UBE2H: variants seen among roughly 807,000 people sequenced by gnomAD.
The protein encoded by UBE2H is ubiquitin-conjugating enzyme E2 H.
A neutral mutation model predicts 29.0 loss-of-function variants in UBE2H; 3 were observed. The observed-to-expected ratio is 0.10, with a 90% CI of 0.05 to 0.27. The LOEUF (loss-of-function observed/expected upper bound fraction) is 0.27. Among genes scored for constraint, UBE2H ranks in the 10% least tolerant of loss-of-function variants. UBE2H has a pLI of 1.00. For synonymous variants in UBE2H, 69 were observed against 82.9 expected (o/e 0.83, Z 0.91); for missense variants, 68 against 228.2 (o/e 0.30, Z 4.52).
chr7:129,934,179 G>A (rs148172049), intron 1 of UBE2H, among the ~76,000 whole-genome samples: 121 of 152,026 alleles, frequency 8.0e-4, no homozygotes, highest in Non-Finnish European at 1.3e-3. Flanking sequence ...AAAATTATCC[G>A]GGCATTATAG....
chr7:129,854,070 T>G (rs867869002), intron 5 of UBE2H, among the ~76,000 whole-genome samples: 2 of 149,542 alleles, frequency 1.3e-5, no homozygotes, highest in African/African-American at 4.9e-5. Context: ...GTTTTTTTTT[T>G]TTTTTTTTTT....
At chr7:129,896,199 T>C (rs557883514) in intron 1 of UBE2H, among the ~76,000 whole-genome samples, 2 of 151,598 alleles carry the variant, frequency 1.3e-5, no homozygotes, top group South Asian at 4.2e-4. Context: ...TAGCTGGACG[T>C]GGTGGCGGGC....
chr7:129,943,545 C>T (rs1807690841), intron 1 of UBE2H, among the ~76,000 whole-genome samples: 1 of 152,072 alleles, frequency 6.6e-6, no homozygotes, highest in Non-Finnish European at 1.5e-5. Flanking sequence ...AATCGCACCA[C>T]TGCACTCTAG....
intron 1 of UBE2H, among the ~76,000 whole-genome samples, chr7:129,890,651 C>T (rs892754832): frequency 6.6e-6 from 1 of 152,072 alleles, no homozygotes; most frequent in Non-Finnish European, 1.5e-5. Flanking sequence ...ATACTACAGG[C>T]GTGAGCCACT....
In UBE2H at chr7:129,952,516, C is replaced by A; in HGVS notation, c.40G>T (p.Asp14Tyr). 6.2e-7 allele frequency: 1 copy of A among 1,613,202 alleles called. No individual in the cohort carries two copies. Among genetic ancestry groups the A allele is most frequent in the Non-Finnish European group, 8.5e-7 (1 of 1,179,474 alleles). ...CACGAAGGATACAGCTTGACCACGTCCGTGTCCATCCGCCTCTTGCCCGGA... is the reference window on the plus strand; with the variant it reads ...CACGAAGGATACAGCTTGACCACGTACGTGTCCATCCGCCTCTTGCCCGGA... ...PSPGKRRMDT[D>Y]VVKLIESKHE... The change falls in exon 1 of 7, where the codon GAC (aspartate) becomes TAC (tyrosine). Residue 14 changes from aspartate (D) to tyrosine (Y), a missense_variant. Coordinates refer to ENST00000355621, the MANE Select transcript of UBE2H (RefSeq NM_003344.4).
rs1305665616 is a variant in UBE2H, at chr7:129,839,256, A to G, written c.378T>C (p.Ala126=). The change falls in exon 6 of 7, where the codon GCT becomes GCC. Residue 126 remains alanine, a synonymous_variant. Transcript: ENST00000355621. ...CTGGTCGGTGGAGGTACATGGCTGC[A>G]GCGTCACCATTGAGAGGATCTATGG... ...PNPIDPLNGD[A]AAMYLHRPEE... 6.2e-7 allele frequency: 1 copy of G among 1,613,942 alleles called. No homozygotes were observed. Among genetic ancestry groups the G allele is most frequent in the East Asian group, 2.2e-5 (1 of 44,878 alleles).
chr7:129,944,826 T>C (rs1807730348), intron 1 of UBE2H, among the ~76,000 whole-genome samples: 1 of 151,824 alleles, frequency 6.6e-6, no homozygotes, highest in Non-Finnish European at 1.5e-5. Context: ...CGTATATCCA[T>C]ACAATGTTCA....
At chr7:129,853,277 G>A (rs1198178774) in intron 5 of UBE2H, among the ~76,000 whole-genome samples, 1 of 152,136 alleles carries the variant, frequency 6.6e-6, no homozygotes, top group Non-Finnish European at 1.5e-5. Flanking sequence ...TGCTTAAAAA[G>A]CTACCTGTGG....
At chr7:129,890,268 TACACAC>T (rs1563035829) in intron 1 of UBE2H, among the ~76,000 whole-genome samples, 1 of 151,690 alleles carries the variant, frequency 6.6e-6, no homozygotes, top group East Asian at 1.9e-4. Flanking sequence ...CACGTATATA[TACACAC>T]GTATATATAT....
At chr7:129,857,205 AATAC>A (rs1330983031) in intron 5 of UBE2H, 158 of 307,020 alleles carry the variant, frequency 5.1e-4, no homozygotes, top group African/African-American at 2.9e-3. Flanking sequence ...ATTATGTGCT[AATAC>A]ATACATATAA....
intron 1 of UBE2H, among the ~76,000 whole-genome samples, chr7:129,947,859 T>A (rs185638233): frequency 2.0e-5 from 3 of 149,532 alleles, no homozygotes; most frequent in Admixed American, 2.0e-4. Context: ...ATATGAGGAT[T>A]TTTTTTTTTT....
chr7:129,831,281 A>T lies in UBE2H; in HGVS notation c.*3656T>A, dbSNP rs1341644407. 6.6e-6 allele frequency: 1 copy of T among 152,240 alleles called. No homozygotes were observed. The highest frequency in any genetic ancestry group is 1.5e-5 in the Non-Finnish European group (1 of 68,038). 9.4% of individuals were successfully genotyped at this position (152,240 alleles called of 1,614,324 possible). A position where few individuals can be genotyped will look rare whatever the true frequency, so the allele number is the denominator to read the frequency against. On this transcript the variant is annotated 3_prime_UTR_variant, in exon 7 of 7. Coordinates refer to ENST00000355621, the MANE Select transcript of UBE2H (RefSeq NM_003344.4). ...CTGGAAGCCCAGTTGGGAAGTCGAT[A>T]AAAAATCTTGCTAACTTTTTTAAAT...
At chr7:129,935,999 C>A (rs983263284) in intron 1 of UBE2H, among the ~76,000 whole-genome samples, 2 of 152,102 alleles carry the variant, frequency 1.3e-5, no homozygotes, top group Non-Finnish European at 1.5e-5. Context: ...ACACTAAGAG[C>A]CCTTATATTC....
At chr7:129,867,699 T>TAAAAAAAAAAAAAAAAAAAAAAAAAA in intron 3 of UBE2H, among the ~76,000 whole-genome samples, 1 of 29,644 alleles carries the variant, frequency 3.4e-5, no homozygotes, top group Non-Finnish European at 5.8e-5. Flanking sequence ...TAGAGTATAA[T>TAAAAAAAAAAAAAAAAAAAAAAAAAA]AAAAAAAAAA....
At chr7:129,885,975 A>C (rs972905819) in intron 1 of UBE2H, among the ~76,000 whole-genome samples, 1 of 152,216 alleles carries the variant, frequency 6.6e-6, no homozygotes, top group Non-Finnish European at 1.5e-5. Context: ...GAAGGCACTA[A>C]GAAGGCAGGT....
intron 3 of UBE2H, 54 bp downstream of exon 3, chr7:129,879,514 T>A: frequency 6.6e-7 from 1 of 1,516,476 alleles, no homozygotes; most frequent in African/African-American, 1.4e-5. Context: ...ATGTAAGATT[T>A]TTCCCCCTTA....
chr7:129,867,718 G>GAAAAAAAAAAAAAAAAAAAAAAAA (rs1308277089), intron 3 of UBE2H, among the ~76,000 whole-genome samples: 10 of 19,618 alleles, frequency 5.1e-4, no homozygotes, highest in Non-Finnish European at 7.7e-4. Flanking sequence ...AAAAAAAAAA[G>GAAAAAAAAAAAAAAAAAAAAAAAA]AAAACCAAAA....
At chr7:129,925,104 C>T (rs1347930989) in intron 1 of UBE2H, among the ~76,000 whole-genome samples, 1 of 152,134 alleles carries the variant, frequency 6.6e-6, no homozygotes, top group African/African-American at 2.4e-5. Flanking sequence ...AATCCCAGCA[C>T]TTTGGGAGGC....
At chr7:129,875,627 T>C (rs2116360280) in intron 3 of UBE2H, among the ~76,000 whole-genome samples, 1 of 152,370 alleles carries the variant, frequency 6.6e-6, no homozygotes, top group South Asian at 2.1e-4. Flanking sequence ...TACTGTACTT[T>C]CGTTTTAATC....
Sources: gnomAD v4.1 joint callset for allele counts (sites outside exome capture counted in the v4.1 genomes callset) on GRCh38, gnomAD v4.1.1 for gene constraint, MANE v1.5 for transcripts, NCBI Gene and HGNC (gene_info 2026-07-23, HGNC 2026-07-21) for gene names.